The following ENOX1 variants were observed in gnomAD, a reference collection of about 807,000 sequenced individuals.
ENOX1 encodes ecto-NOX disulfide-thiol exchanger 1.
ENOX1 carries 42 observed loss-of-function variants against 82.5 expected under a neutral mutation model. That is an observed-to-expected ratio of 0.51 (90% CI 0.40 to 0.66). ENOX1 has a LOEUF of 0.66. Among genes scored for constraint, ENOX1 ranks in the 30% least tolerant of loss-of-function variants. The pLI, the probability that ENOX1 is intolerant of heterozygous loss-of-function variation, is 0.00. For synonymous variants in ENOX1, 271 were observed against 282.2 expected (o/e 0.96, Z 0.40); for missense variants, 608 against 811.6 (o/e 0.75, Z 3.05).
At position 43,403,613 on chromosome 13, in the gene ENOX1, C is replaced by T. The variant is rs368112058; in HGVS notation, c.208+8303G>A. On this transcript the variant is annotated intron_variant, in intron 5 of 16. Coordinates refer to ENST00000690772, the MANE Select transcript of ENOX1 (RefSeq NM_001347969.2). ...ATCCTACCACTTTGGGAGGCTGAGG[C>T]GGGCAGATTGCTTGATCAAGCCCAG... Among the ~76,000 whole-genome samples, 11 of 152,202 alleles carry T rather than the reference C, an allele frequency of 7.2e-5. No homozygotes were observed. In the East Asian group the frequency reaches 2.1e-3, roughly 29 times the overall value.
chr13:43,579,958 A>ACAGCC (rs1229514267), intron 2 of ENOX1, among the ~76,000 whole-genome samples: 2 of 152,116 alleles, frequency 1.3e-5, no homozygotes, highest in African/African-American at 4.8e-5. Flanking sequence ...GCCCACCAAT[A>ACAGCC]CAGCCAGCAA....
intron 14 of ENOX1, among the ~76,000 whole-genome samples, chr13:43,245,255 G>A (rs1214124123): frequency 3.3e-5 from 5 of 152,188 alleles, no homozygotes; most frequent in Non-Finnish European, 5.9e-5. Context: ...TTTGCTGTTT[G>A]TACAAAGACA....
At chr13:43,526,119 CA>C (rs1468090438) in intron 2 of ENOX1, among the ~76,000 whole-genome samples, 1 of 152,082 alleles carries the variant, frequency 6.6e-6, no homozygotes, top group Admixed American at 6.5e-5. Context: ...GATTATACAA[CA>C]ATATAGTGTA....
chr13:43,540,263 T>C (rs899881980), intron 2 of ENOX1, among the ~76,000 whole-genome samples: 1 of 152,180 alleles, frequency 6.6e-6, no homozygotes, highest in Non-Finnish European at 1.5e-5. Flanking sequence ...CTAACACTAT[T>C]CAGCATCAAC....
chr13:43,317,382 T>C (rs1382280055), intron 11 of ENOX1, among the ~76,000 whole-genome samples: 1 of 152,152 alleles, frequency 6.6e-6, no homozygotes, highest in African/African-American at 2.4e-5. Flanking sequence ...GGGGTAACAG[T>C]GAGCCTCTTC....
chr13:43,396,084 A>C (rs2053128639), intron 5 of ENOX1, among the ~76,000 whole-genome samples: 1 of 152,184 alleles, frequency 6.6e-6, no homozygotes, highest in African/African-American at 2.4e-5. Context: ...AGATTGCTTG[A>C]ACTGAGACCA....
chr13:43,467,559 C>T (rs779011474), intron 3 of ENOX1, among the ~76,000 whole-genome samples: 12 of 149,542 alleles, frequency 8.0e-5, no homozygotes, highest in Admixed American at 2.0e-4. Context: ...ATCTGGTATA[C>T]TCTTTATCAA....
At chr13:43,416,413 A>G (rs2054564457) in intron 3 of ENOX1, among the ~76,000 whole-genome samples, 1 of 146,946 alleles carries the variant, frequency 6.8e-6, no homozygotes. Flanking sequence ...AGCGCTCCTC[A>G]CATCCCAGAC....
intron 2 of ENOX1, among the ~76,000 whole-genome samples, chr13:43,499,566 GTCAAA>G (rs2076908944): frequency 4.6e-5 from 7 of 151,958 alleles, no homozygotes; most frequent in Non-Finnish European, 1.5e-5. Flanking sequence ...TGCAGACCCT[GTCAAA>G]TGTCCTGCCC....
intron 2 of ENOX1, among the ~76,000 whole-genome samples, chr13:43,550,335 A>G: frequency 6.6e-6 from 1 of 152,156 alleles, no homozygotes; most frequent in Non-Finnish European, 1.5e-5. Flanking sequence ...GGTATCCTAC[A>G]CACAGTTGGA....
chr13:43,312,724 C>A (rs1272666139), intron 11 of ENOX1, among the ~76,000 whole-genome samples: 1 of 152,144 alleles, frequency 6.6e-6, no homozygotes, highest in East Asian at 1.9e-4. Flanking sequence ...AAATGTCACT[C>A]AATTAGCAAA....
chr13:43,390,363 A>T (rs2052697848), intron 5 of ENOX1, among the ~76,000 whole-genome samples: 1 of 152,182 alleles, frequency 6.6e-6, no homozygotes, highest in South Asian at 2.1e-4. Flanking sequence ...CAATGGACAC[A>T]TATGATACTT....
chr13:43,484,185 T>C (rs989485119), intron 2 of ENOX1, 33 bp from the exon 3 acceptor site: 3 of 982,084 alleles, frequency 3.1e-6, no homozygotes, highest in Non-Finnish European at 3.6e-6. Context: ...CGTTAGGATA[T>C]GTCTAAAGTA....
intron 1 of ENOX1, among the ~76,000 whole-genome samples, chr13:43,752,844 C>A (rs1950392552): frequency 6.6e-6 from 1 of 151,762 alleles, no homozygotes; most frequent in African/African-American, 2.4e-5. Context: ...TTGGCTATTC[C>A]AGGTTCATTG....
At chr13:43,478,385 C>T (rs2058376742) in intron 3 of ENOX1, among the ~76,000 whole-genome samples, 1 of 151,962 alleles carries the variant, frequency 6.6e-6, no homozygotes, top group African/African-American at 2.4e-5. Context: ...CATGTTTATA[C>T]AGCTAGTAGT....
At chr13:43,624,654 C>G (rs978999601) in intron 2 of ENOX1, among the ~76,000 whole-genome samples, 5 of 152,036 alleles carry the variant, frequency 3.3e-5, no homozygotes, top group African/African-American at 1.2e-4. Context: ...AGCATCTTGT[C>G]TCTAGTGAAT....
chr13:43,442,310 C>T (rs1450187677), intron 3 of ENOX1, among the ~76,000 whole-genome samples: 2 of 152,200 alleles, frequency 1.3e-5, no homozygotes, highest in Non-Finnish European at 2.9e-5. Context: ...CACGGCAGAA[C>T]CTCAGTCTAA....
At chr13:43,423,357 A>T (rs2055089034) in intron 3 of ENOX1, among the ~76,000 whole-genome samples, 1 of 152,174 alleles carries the variant, frequency 6.6e-6, no homozygotes, top group South Asian at 2.1e-4. Context: ...TTATCAGTAA[A>T]CATAAGCCTG....
chr13:43,526,813 T>C (rs1197676215), intron 2 of ENOX1, among the ~76,000 whole-genome samples: 2 of 152,026 alleles, frequency 1.3e-5, no homozygotes, highest in East Asian at 3.9e-4. Context: ...AAAATTCAGG[T>C]ATTGAAACTT....
Sources: gnomAD v4.1 joint callset for allele counts (sites outside exome capture counted in the v4.1 genomes callset) on GRCh38, gnomAD v4.1.1 for gene constraint, MANE v1.5 for transcripts, NCBI Gene and HGNC (gene_info 2026-07-23, HGNC 2026-07-21) for gene names.